Variants in OCA2 observed in about 807,000 individuals in gnomAD.
OCA2 encodes the protein OCA2 melanosomal transmembrane protein.
In OCA2, 77 loss-of-function variants were observed where a neutral mutation model predicts 100.2. That is an observed-to-expected ratio of 0.77 (90% CI 0.64 to 0.93). OCA2 has a LOEUF of 0.93. Ranked by LOEUF, OCA2 falls within the 40% of genes least tolerant of loss-of-function variation. The pLI is 0.00. For synonymous variants in OCA2, 432 were observed against 439.2 expected, an observed-to-expected ratio of 0.98 and a Z score of 0.21; for missense variants, 1,062 against 1,089.1, an observed-to-expected ratio of 0.98 and a Z score of 0.35.
chr15:27,875,142 A>G (rs1235626889), intron 19 of OCA2, among the ~76,000 whole-genome samples: 2 of 152,168 alleles, frequency 1.3e-5, no homozygotes, highest in Non-Finnish European at 2.9e-5. Flanking sequence ...TCATCACTAT[A>G]AAGATACTAC....
intron 23 of OCA2, among the ~76,000 whole-genome samples, chr15:27,770,870 CCTCCTTCCTTTG>C (rs1338184694): frequency 7.4e-6 from 1 of 135,726 alleles, no homozygotes; most frequent in Non-Finnish European, 1.5e-5. Flanking sequence ...TCCTTCCTTC[CCTCCTTCCTTTG>C]CTCCTTCCCA....
At chr15:27,719,403 G>T in the OCA2 span, among the ~76,000 whole-genome samples, 1 of 151,964 alleles carries the variant, frequency 6.6e-6, no homozygotes. Context: ...CTTTTTAAAG[G>T]TTCTAGCTCC....
At chr15:27,844,396 C>G (rs1369010655) in intron 23 of OCA2, among the ~76,000 whole-genome samples, 1 of 152,232 alleles carries the variant, frequency 6.6e-6, no homozygotes, top group African/African-American at 2.4e-5. Context: ...CTGGAATATT[C>G]AAGAGGACAG....
intron 9 of OCA2, among the ~76,000 whole-genome samples, chr15:28,008,877 G>T (rs1342773121): frequency 6.6e-6 from 1 of 152,246 alleles, no homozygotes; most frequent in East Asian, 1.9e-4. Context: ...GCCACCCCAA[G>T]ACTCCCCTGA....
chr15:27,960,697 G>A lies in OCA2; in HGVS notation c.1637-2962C>T, dbSNP rs368086474. Among the ~76,000 whole-genome samples, 10 of 152,118 alleles carry A rather than the reference G, an allele frequency of 6.6e-5. No individual in the cohort carries two copies. The East Asian group carries it at 9.6e-4, about 15-fold the overall frequency. The stretch of plus-strand genomic sequence containing the variant: ...GCGAGCAGATCACCTGAGGTCGGGA[G>A]TTCGAGGCCAGCCTGGCCAATATGG... On this transcript the variant is annotated intron_variant, in intron 15 of 23. Coordinates refer to ENST00000354638, the MANE Select transcript of OCA2 (RefSeq NM_000275.3).
At chr15:28,077,909 G>T (rs896984489) in intron 2 of OCA2, among the ~76,000 whole-genome samples, 2 of 152,114 alleles carry the variant, frequency 1.3e-5, no homozygotes, top group Non-Finnish European at 2.9e-5. Context: ...GTGAAACCCC[G>T]TCTCTACTAA....
chr15:27,867,457 C>T (rs2036369529), intron 21 of OCA2, among the ~76,000 whole-genome samples: 1 of 152,054 alleles, frequency 6.6e-6, no homozygotes, highest in Non-Finnish European at 1.5e-5. Flanking sequence ...TACTTGCATG[C>T]TGCTTAAAAA....
intron 23 of OCA2, among the ~76,000 whole-genome samples, chr15:27,823,641 A>G (rs1249537833): frequency 6.6e-6 from 1 of 152,220 alleles, no homozygotes; most frequent in African/African-American, 2.4e-5. Context: ...TCTAGATACA[A>G]TCTAAATGAC....
At chr15:27,767,709 G>A (rs2031377762) in intron 23 of OCA2, among the ~76,000 whole-genome samples, 1 of 152,162 alleles carries the variant, frequency 6.6e-6, no homozygotes, top group South Asian at 2.1e-4. Context: ...TCAGCACTCT[G>A]TAAAATGGAC....
At position 27,957,765 on chromosome 15, in the gene OCA2, C is replaced by T; in HGVS notation, c.1637-30G>A. 1.2e-6 allele frequency: 2 copies of T among 1,612,606 alleles called. No individual in the cohort carries two copies. The highest frequency in any genetic ancestry group is 1.7e-6 in the Non-Finnish European group (2 of 1,179,794). ...AGAGAAAGGAAGGCGAAGCTTGGGT[C>T]TCCCATGACCTCAGATATCAGCAAC... On this transcript the variant is annotated intron_variant, in intron 15 of 23. Coordinates refer to ENST00000354638, the MANE Select transcript of OCA2 (RefSeq NM_000275.3). This position sits in a 1 kb window ranked among gnomAD's most constrained non-coding sequence, Gnocchi z 4.3.
At chr15:27,854,912 A>G (rs1162725639) in intron 21 of OCA2, among the ~76,000 whole-genome samples, 1 of 152,178 alleles carries the variant, frequency 6.6e-6, no homozygotes, top group Non-Finnish European at 1.5e-5. Context: ...TGCAGTATCA[A>G]GGGAGGAGGC....
At chr15:28,018,684 T>C (rs1371539442) in intron 6 of OCA2, 127 bp from the exon 7 acceptor site, 2 of 859,490 alleles carry the variant, frequency 2.3e-6, no homozygotes, top group African/African-American at 3.3e-5. Flanking sequence ...CCCACGCCCT[T>C]GGCCATTAAC....
At chr15:27,764,257 G>A (rs1272982631) in intron 23 of OCA2, among the ~76,000 whole-genome samples, 1 of 151,770 alleles carries the variant, frequency 6.6e-6, no homozygotes, top group Non-Finnish European at 1.5e-5. Flanking sequence ...AGGCAGGAGG[G>A]GGAGGAGATT....
At chr15:27,863,208 T>C (rs935960472) in intron 21 of OCA2, among the ~76,000 whole-genome samples, 2 of 152,026 alleles carry the variant, frequency 1.3e-5, no homozygotes, top group Non-Finnish European at 1.5e-5. Flanking sequence ...GCCTGGGGCA[T>C]GGGTGAGGGA....
At chr15:27,869,127 C>T (rs1595544967) in intron 21 of OCA2, among the ~76,000 whole-genome samples, 1 of 152,380 alleles carries the variant, frequency 6.6e-6, no homozygotes, top group African/African-American at 2.4e-5. Flanking sequence ...CTCATGCTAG[C>T]GTGGCACAGT....
At chr15:27,876,619 T>C (rs1429255579) in intron 19 of OCA2, among the ~76,000 whole-genome samples, 2 of 152,062 alleles carry the variant, frequency 1.3e-5, no homozygotes, top group East Asian at 1.9e-4. Context: ...AGCTGCTTTA[T>C]TGATATAACT....
At chr15:27,766,955 T>G (rs1226744110) in intron 23 of OCA2, among the ~76,000 whole-genome samples, 1 of 152,150 alleles carries the variant, frequency 6.6e-6, no homozygotes, top group African/African-American at 2.4e-5. Context: ...CTGTATGAAA[T>G]CCTCAATAAA....
rs986253344 is a variant in OCA2, at chr15:27,948,934, G to A, written c.1951+2850C>T. On this transcript the variant is annotated intron_variant, in intron 18 of 23. Coordinates refer to ENST00000354638, the MANE Select transcript of OCA2 (RefSeq NM_000275.3). ...GACAAGATCAGTCCTTGCCAGGACC[G>A]GGGGAGGGTGGCTACAAAAGGACAG... is the stretch of plus-strand genomic sequence containing the variant. 6.6e-5 allele frequency among the ~76,000 whole-genome samples: 10 copies of A among 152,306 alleles called. No individual in the cohort carries two copies. The East Asian group carries it at 1.5e-3, about 24-fold the overall frequency.
intron 9 of OCA2, among the ~76,000 whole-genome samples, chr15:28,009,829 T>C (rs2042193103): frequency 6.6e-6 from 1 of 152,106 alleles, no homozygotes; most frequent in Non-Finnish European, 1.5e-5. Flanking sequence ...AAATCTATAA[T>C]ATCTAGAATT....
Sources: allele counts gnomAD v4.1 joint callset (sites outside exome capture counted in the v4.1 genomes callset), GRCh38; gene constraint gnomAD v4.1.1; non-coding constraint Gnocchi (gnomAD v3.1); transcripts MANE v1.5; gene names NCBI Gene and HGNC (gene_info 2026-07-23, HGNC 2026-07-21).